IHO1: variants seen among roughly 807,000 people sequenced by gnomAD.
IHO1 encodes the protein interactor of HORMAD1 1.
A neutral mutation model predicts 31.0 loss-of-function variants in IHO1; 13 were observed. That is an observed-to-expected ratio of 0.42 (90% CI 0.27 to 0.67). The LOEUF (loss-of-function observed/expected upper bound fraction) is 0.67. Among genes scored for constraint, IHO1 ranks in the 30% least tolerant of loss-of-function variants. IHO1 has a pLI of 0.24. For missense variants in IHO1, 599 were observed against 687.5 expected, an observed-to-expected ratio of 0.87 and a Z score of 1.44; for synonymous variants, 221 against 248.4, an observed-to-expected ratio of 0.89 and a Z score of 1.04.
At position 49,226,131 on chromosome 3, in the gene IHO1, C is replaced by G. The variant is rs137886916; in HGVS notation, c.57-10417C>G. ...CCAGGTAATTGGCATGCTCCATTTTCTGTCCTCTCTGAACCACCAAGGTTG... is the reference window on the plus strand; with the variant it reads ...CCAGGTAATTGGCATGCTCCATTTTGTGTCCTCTCTGAACCACCAAGGTTG... On this transcript the variant is annotated intron_variant, in intron 2 of 7. Coordinates refer to ENST00000452691, the MANE Select transcript of IHO1 (RefSeq NM_001135197.2). 6.6e-5 allele frequency among the ~76,000 whole-genome samples: 10 copies of G among 152,334 alleles called. No individual in the cohort carries two copies. In the East Asian group the frequency reaches 1.9e-3, roughly 29 times the overall value.
At chr3:49,212,871 C>T (rs886738756) in intron 2 of IHO1, among the ~76,000 whole-genome samples, 3 of 152,202 alleles carry the variant, frequency 2.0e-5, no homozygotes, top group Admixed American at 6.5e-5. Flanking sequence ...GGAAGAGGAT[C>T]GGAGCTGGTT....
chr3:49,221,786 C>G (rs1423623089), intron 2 of IHO1, among the ~76,000 whole-genome samples: 1 of 152,196 alleles, frequency 6.6e-6, no homozygotes. Context: ...TGTTAAAACA[C>G]AGGGCCCGAA....
Position 49,255,393 on chromosome 3 carries a change from A to C in IHO1, c.536A>C (p.Gln179Pro). The C allele has an allele frequency of 6.3e-7, 1 of 1,594,936 alleles. No individual in the cohort carries two copies. Among genetic ancestry groups the C allele is most frequent in the South Asian group, 1.1e-5 (1 of 87,760 alleles). ...DSLETVAKTL[Q>P]ETIQAQNDLV... ...ACTGTCACTGTTTTGTATTTAGTAC[A>C]AGAGACTATACAGGCCCAGAATGAC... Residue 179 changes from glutamine to proline, a missense_variant, in exon 7 of 8, where the codon CAA becomes CCA. By Grantham distance (76) the Gln-to-Pro change is moderately conservative. Coordinates refer to ENST00000452691, the MANE Select transcript of IHO1 (RefSeq NM_001135197.2).
At chr3:49,254,526 A>C (rs1475539077) in intron 6 of IHO1, among the ~76,000 whole-genome samples, 3 of 151,742 alleles carry the variant, frequency 2.0e-5, no homozygotes, top group African/African-American at 7.3e-5. Context: ...TGCTGAAAGT[A>C]GAAGGAAGAA....
Position 49,200,471 on chromosome 3 carries a change from A to G in IHO1, c.-16+898A>G, listed in dbSNP as rs200939729. 1.8e-3 allele frequency: 623 copies of G among 339,416 alleles called. 15 individuals carry two copies. In the African/African-American group the frequency reaches 0.019, roughly 10 times the overall value. 21.0% of individuals were successfully genotyped at this position (339,416 alleles called of 1,614,324 possible). ...CAGAGTGAGACTCGGTCTCAAAAAA[A>G]AAAAAAAGAAAGAAAGAAAGAAAGA... On this transcript the variant is annotated intron_variant, in intron 1 of 7. Transcript: ENST00000452691.
At chr3:49,197,215 C>T (rs2107672528), upstream of IHO1, among the ~76,000 whole-genome samples, 1 of 148,440 alleles carries the variant, frequency 6.7e-6, no homozygotes. Context: ...TGTTCTCAAT[C>T]TCCTGACCTC....
chr3:49,241,175 G>A, intron 3 of IHO1, 51 bp from the exon 4 acceptor site: 2 of 1,450,492 alleles, frequency 1.4e-6, no homozygotes, highest in Non-Finnish European at 9.4e-7. Flanking sequence ...AATAGTGAAT[G>A]CTATAAATAT....
intron 2 of IHO1, among the ~76,000 whole-genome samples, chr3:49,218,227 C>T (rs558280635): frequency 6.6e-6 from 1 of 151,996 alleles, no homozygotes. Context: ...ATCCTGGTTC[C>T]CACCTCTCCG....
At chr3:49,228,098 GT>G (rs2046437232) in intron 2 of IHO1, among the ~76,000 whole-genome samples, 1 of 152,170 alleles carries the variant, frequency 6.6e-6, no homozygotes. Context: ...GTGAGAGAAA[GT>G]TTATCTGACA....
chr3:49,209,368 C>T (rs1678214683), intron 1 of IHO1, among the ~76,000 whole-genome samples: 1 of 152,138 alleles, frequency 6.6e-6, no homozygotes, highest in South Asian at 2.1e-4. Flanking sequence ...GGCACAGTGG[C>T]TTACGCCTGT....
chr3:49,214,607 C>CATAT (rs1311032715), intron 2 of IHO1, among the ~76,000 whole-genome samples: 9 of 24,780 alleles, frequency 3.6e-4, no homozygotes, highest in Non-Finnish European at 4.0e-4. Flanking sequence ...ATTTCTAGAT[C>CATAT]ATATATATAT....
intron 4 of IHO1, among the ~76,000 whole-genome samples, chr3:49,243,486 C>T (rs1399445392): frequency 6.6e-6 from 1 of 151,776 alleles, no homozygotes; most frequent in African/African-American, 2.4e-5. Flanking sequence ...TGGCCAGGCG[C>T]GGTGGCTCAC....
intron 3 of IHO1, among the ~76,000 whole-genome samples, chr3:49,236,925 T>TA (rs1035094529): frequency 9.9e-5 from 15 of 151,626 alleles, no homozygotes; most frequent in South Asian, 6.2e-4. Context: ...CTACAAAAAG[T>TA]ACAAAAATTA....
At chr3:49,207,225 G>C (rs1327490897) in intron 1 of IHO1, among the ~76,000 whole-genome samples, 1 of 151,146 alleles carries the variant, frequency 6.6e-6, no homozygotes, top group Non-Finnish European at 1.5e-5. Flanking sequence ...TGTGTTCTCG[G>C]AGCATTTTTT....
At chr3:49,222,126 T>C (rs1416498937) in intron 2 of IHO1, among the ~76,000 whole-genome samples, 1 of 152,208 alleles carries the variant, frequency 6.6e-6, no homozygotes, top group African/African-American at 2.4e-5. Flanking sequence ...GAGAAATCCT[T>C]TGAGAGTCTG....
At position 49,256,034 on chromosome 3, in the gene IHO1, C is replaced by G; in HGVS notation, c.637-100C>G. 9.5e-7 allele frequency: 1 copy of G among 1,056,746 alleles called. No individual in the cohort carries two copies. Among genetic ancestry groups the G allele is most frequent in the Non-Finnish European group, 1.4e-6 (1 of 721,238 alleles). The allele number at this position is 1,056,746 out of a possible 1,614,324, so 65.5% of individuals were successfully genotyped here. A position where few individuals can be genotyped will look rare whatever the true frequency, so the allele number is the denominator to read the frequency against. ...GAGAGGTTCCCTACAAGGAGCAAGCCTTGGTTCTGCTGTCACATCCATTGG... is the reference window on the plus strand; with the variant it reads ...GAGAGGTTCCCTACAAGGAGCAAGCGTTGGTTCTGCTGTCACATCCATTGG... On this transcript the variant is annotated intron_variant, in intron 7 of 7. Coordinates refer to ENST00000452691, the MANE Select transcript of IHO1 (RefSeq NM_001135197.2). The surrounding 1 kb of genome is among the most constrained non-coding windows in gnomAD (Gnocchi z 4.6).
chr3:49,228,563 G>A (rs2046443507), intron 2 of IHO1, among the ~76,000 whole-genome samples: 1 of 152,250 alleles, frequency 6.6e-6, no homozygotes, highest in Non-Finnish European at 1.5e-5. Context: ...ATTCCTTCCA[G>A]TGGGTTCTTG....
chr3:49,212,163 C>CAA (rs35238412), intron 2 of IHO1, among the ~76,000 whole-genome samples: 41 of 49,984 alleles, frequency 8.2e-4, no homozygotes, highest in South Asian at 2.1e-3. Context: ...GACTCCGTCT[C>CAA]AAAAAAAAAA....
chr3:49,246,017 A>G (rs1273387119), intron 6 of IHO1, among the ~76,000 whole-genome samples: 1 of 151,476 alleles, frequency 6.6e-6, no homozygotes, highest in Non-Finnish European at 1.5e-5. Flanking sequence ...CCCCATCTCT[A>G]CTAAAAATAC....
Sources: allele counts gnomAD v4.1 joint callset (sites outside exome capture counted in the v4.1 genomes callset), GRCh38; gene constraint gnomAD v4.1.1; non-coding constraint Gnocchi (gnomAD v3.1); transcripts MANE v1.5; gene names NCBI Gene and HGNC (gene_info 2026-07-23, HGNC 2026-07-21).